Variants in CACNA2D3 observed in about 807,000 individuals in gnomAD.
CACNA2D3 encodes the protein calcium voltage-gated channel auxiliary subunit alpha2delta 3, also known as voltage-dependent calcium channel subunit alpha-2/delta-3.
Under a neutral mutation model 160.6 loss-of-function variants are expected in CACNA2D3, and 60 were observed. The ratio of observed to expected loss-of-function variants is 0.37; its 90% CI spans 0.30 to 0.46. The LOEUF (loss-of-function observed/expected upper bound fraction) is 0.46, where lower values mean the gene tolerates loss of function less well. CACNA2D3 is among the 20% of genes least tolerant of loss of function. The pLI is 1.00. For synonymous variants in CACNA2D3, 558 were observed against 492.9 expected, an observed-to-expected ratio of 1.13 and a Z score of -1.75; for missense variants, 1,205 against 1,365.0, an observed-to-expected ratio of 0.88 and a Z score of 1.85.
At chr3:54,644,568 G>T (rs189750309) in intron 11 of CACNA2D3, among the ~76,000 whole-genome samples, 72 of 152,342 alleles carry the variant, frequency 4.7e-4, no homozygotes, top group Middle Eastern at 3.4e-3. Context: ...TAGCTATTCA[G>T]TAGAGAGTTG....
chr3:54,988,821 A>G (rs1009481281), intron 31 of CACNA2D3, among the ~76,000 whole-genome samples: 2 of 152,222 alleles, frequency 1.3e-5, no homozygotes, highest in African/African-American at 4.8e-5. Context: ...AGAAAAAAAA[A>G]AGAAATGATA....
intron 13 of CACNA2D3, among the ~76,000 whole-genome samples, chr3:54,790,408 AG>A (rs1375102953): frequency 6.6e-6 from 1 of 152,220 alleles, no homozygotes; most frequent in Non-Finnish European, 1.5e-5. Context: ...GAAAAGGAAA[AG>A]GTTCCCATGA....
At chr3:54,820,045 C>A (rs1703551967) in intron 14 of CACNA2D3, among the ~76,000 whole-genome samples, 1 of 152,116 alleles carries the variant, frequency 6.6e-6, no homozygotes, top group Non-Finnish European at 1.5e-5. Flanking sequence ...CTAATGAGCT[C>A]TTTCCAAACC....
At chr3:54,811,155 C>T (rs374743030) in intron 13 of CACNA2D3, among the ~76,000 whole-genome samples, 1 of 152,192 alleles carries the variant, frequency 6.6e-6, no homozygotes, top group South Asian at 2.1e-4. Flanking sequence ...GCTGCCTACC[C>T]TACACCTCTG....
intron 5 of CACNA2D3, among the ~76,000 whole-genome samples, chr3:54,537,687 A>AC (rs1247108061): frequency 6.6e-6 from 1 of 152,084 alleles, no homozygotes; most frequent in African/African-American, 2.4e-5. Context: ...CTGTTCATGG[A>AC]CACTCGGGCA....
intron 34 of CACNA2D3, among the ~76,000 whole-genome samples, chr3:55,010,135 A>G (rs1703178033): frequency 6.6e-6 from 1 of 152,204 alleles, no homozygotes. Context: ...TAAGTCCTCA[A>G]AAAATAGTAG....
At chr3:54,378,014 T>A (rs553308700) in intron 3 of CACNA2D3, among the ~76,000 whole-genome samples, 1 of 152,184 alleles carries the variant, frequency 6.6e-6, no homozygotes, top group Non-Finnish European at 1.5e-5. Context: ...TACTCTGCCA[T>A]GGTGAGTTCT....
chr3:54,715,668 A>T (rs1360606777), intron 11 of CACNA2D3, among the ~76,000 whole-genome samples: 1 of 152,076 alleles, frequency 6.6e-6, no homozygotes. Context: ...ATCACTGGAG[A>T]TCCAAGTATT....
intron 4 of CACNA2D3, among the ~76,000 whole-genome samples, chr3:54,484,390 C>CT (rs1307319840): frequency 2.6e-5 from 4 of 152,036 alleles, no homozygotes; most frequent in Admixed American, 1.3e-4. Context: ...GAGTTATCAC[C>CT]TTTTTTTTCC....
chr3:54,373,329 C>T (rs139629527), intron 3 of CACNA2D3, among the ~76,000 whole-genome samples: 5 of 152,226 alleles, frequency 3.3e-5, no homozygotes, highest in Admixed American at 1.3e-4. Context: ...TAAATAAGCC[C>T]GCTTGGTCTT....
chr3:54,700,949 C>T (rs1241564318), intron 11 of CACNA2D3, among the ~76,000 whole-genome samples: 1 of 152,214 alleles, frequency 6.6e-6, no homozygotes, highest in Non-Finnish European at 1.5e-5. Flanking sequence ...CCACCTCCCT[C>T]TGAGAGTCCC....
chr3:54,633,356 C>T (rs553089214), intron 10 of CACNA2D3, among the ~76,000 whole-genome samples: 6 of 152,244 alleles, frequency 3.9e-5, no homozygotes, highest in Admixed American at 2.6e-4. Flanking sequence ...TCTCTCTGTG[C>T]CTTAGTTTCC....
intron 24 of CACNA2D3, among the ~76,000 whole-genome samples, chr3:54,890,610 G>T (rs958899401): frequency 1.3e-5 from 2 of 151,990 alleles, no homozygotes; most frequent in Admixed American, 6.6e-5. Context: ...TAAAGAACAC[G>T]CTCAAGCATA....
chr3:54,725,893 G>T (rs994711956), intron 11 of CACNA2D3, among the ~76,000 whole-genome samples: 1 of 152,130 alleles, frequency 6.6e-6, no homozygotes, highest in African/African-American at 2.4e-5. Flanking sequence ...ATTCAACATA[G>T]TATTGGGAAT....
At chr3:54,470,724 C>G (rs1575474836) in intron 4 of CACNA2D3, among the ~76,000 whole-genome samples, 1 of 152,136 alleles carries the variant, frequency 6.6e-6, no homozygotes, top group East Asian at 1.9e-4. Flanking sequence ...GAATATTTAC[C>G]AAGCAAATGG....
intron 2 of CACNA2D3, among the ~76,000 whole-genome samples, chr3:54,214,737 G>A (rs1261578820): frequency 1.3e-5 from 2 of 152,152 alleles, no homozygotes; most frequent in Admixed American, 1.3e-4. Context: ...CTGTGCCAGT[G>A]TCTAGAGGTG....
chr3:54,465,863 G>A (rs553627173), intron 4 of CACNA2D3, among the ~76,000 whole-genome samples: 1 of 152,174 alleles, frequency 6.6e-6, no homozygotes, highest in Admixed American at 6.5e-5. Context: ...CAAGGCTGAA[G>A]GTAAGGTGCT....
At chr3:54,170,957 C>G (rs137953342) in intron 2 of CACNA2D3, among the ~76,000 whole-genome samples, 23 of 151,538 alleles carry the variant, frequency 1.5e-4, no homozygotes, top group Non-Finnish European at 3.2e-4. Flanking sequence ...TATCAGAGAC[C>G]TTATGTATTG....
Position 54,642,139 on chromosome 3 carries a change from G to T in CACNA2D3, c.1065G>T (p.Thr355=), listed in dbSNP as rs376273944. 1 of 1,609,302 alleles carries T rather than the reference G, an allele frequency of 6.2e-7. No homozygotes were observed. Among genetic ancestry groups the T allele is most frequent in the Admixed American group, 1.7e-5 (1 of 59,442 alleles). The change falls in exon 11 of 38, where the codon ACG becomes ACT. Residue 355 remains threonine (T), a synonymous_variant. Coordinates refer to ENST00000474759, the MANE Select transcript of CACNA2D3 (RefSeq NM_018398.3). ...AFNILSDFNH[T]GQGSICSQAI... ...ATTTCTTTCCCTAGTTCAACCACAC[G>T]GGACAAGGAAGTATCTGCAGTCAGG...
Sources: gnomAD v4.1 joint callset for allele counts (sites outside exome capture counted in the v4.1 genomes callset) on GRCh38, gnomAD v4.1.1 for gene constraint, MANE v1.5 for transcripts, NCBI Gene and HGNC (gene_info 2026-07-23, HGNC 2026-07-21) for gene names.